Variants in EBF3 observed in about 807,000 individuals in gnomAD.
The protein encoded by EBF3 is EBF transcription factor 3.
Under a neutral mutation model 77.1 loss-of-function variants are expected in EBF3, and 18 were observed. The observed-to-expected ratio is 0.23, with a 90% CI of 0.16 to 0.35. The LOEUF (loss-of-function observed/expected upper bound fraction) is 0.35. Ranked by LOEUF, EBF3 falls within the 10% of genes least tolerant of loss-of-function variation. The probability of loss-of-function intolerance (pLI) is 1.00; values close to 1 mark genes in which losing one functional copy is unlikely to be tolerated. For missense variants in EBF3, 558 were observed against 860.0 expected (o/e 0.65, Z 4.39); for synonymous variants, 350 against 343.5 (o/e 1.02, Z -0.21).
Position 129,835,497 on chromosome 10 carries a change from G to C in EBF3, c.*2446C>G, listed in dbSNP as rs977577810. The C allele has an allele frequency of 4.6e-5, 7 of 152,176 alleles. No individual in the cohort carries two copies. Among genetic ancestry groups the C allele is most frequent in the African/African-American group, 1.7e-4 (7 of 41,424 alleles). The allele number at this position is 152,176 out of a possible 1,614,324, so 9.4% of individuals were successfully genotyped here. ...AAACACAAACCAAGTGAGGGCATGGGGAAGCTGGCAGGCGTTCTCAGTGCG... is the reference window on the plus strand; with the variant it reads ...AAACACAAACCAAGTGAGGGCATGGCGAAGCTGGCAGGCGTTCTCAGTGCG... On this transcript the variant is annotated 3_prime_UTR_variant, in exon 17 of 17. Transcript: ENST00000440978.
intron 10 of EBF3, among the ~76,000 whole-genome samples, chr10:129,855,130 TA>T (rs1851163984): frequency 6.6e-6 from 1 of 152,200 alleles, no homozygotes; most frequent in Non-Finnish European, 1.5e-5. Context: ...CACTGCAGGG[TA>T]TTTCTGTCGA....
rs1309465050 is a variant in EBF3, at chr10:129,864,915, G to T, written c.1039+2226C>A. Among the ~76,000 whole-genome samples, 1 of 152,212 alleles carries T rather than the reference G, an allele frequency of 6.6e-6. No individual in the cohort carries two copies. The highest frequency in any genetic ancestry group is 2.4e-5 in the African/African-American group (1 of 41,462). On this transcript the variant is annotated intron_variant, in intron 10 of 16. Transcript: ENST00000440978. The surrounding 1 kb of genome is among the most constrained non-coding windows in gnomAD (Gnocchi z 4.4). ...CCACAGGAAGGACCATTTATGGAGT[G>T]CCTGCCATGTGTTAGACACTGTACA...
At position 129,952,491 on chromosome 10, in the gene EBF3, C is replaced by A. The variant is rs1284210644; in HGVS notation, c.554+4767G>T. On this transcript the variant is annotated intron_variant, in intron 6 of 16. Coordinates refer to ENST00000440978, the MANE Select transcript of EBF3 (RefSeq NM_001375380.1). This position sits in a 1 kb window ranked among gnomAD's most constrained non-coding sequence, Gnocchi z 4.7. ...CAATGAATTTAATTTTATTTAATGTCCCTTTTTGCAGATCCTCATTTACAT... is the reference window on the plus strand; with the variant it reads ...CAATGAATTTAATTTTATTTAATGTACCTTTTTGCAGATCCTCATTTACAT... Among the ~76,000 whole-genome samples the A allele has an allele frequency of 6.6e-6, 1 of 152,148 alleles. No homozygotes were observed. Among genetic ancestry groups the A allele is most frequent in the African/African-American group, 2.4e-5 (1 of 41,418 alleles).
At chr10:129,876,178 T>C (rs1286668779) in intron 7 of EBF3, among the ~76,000 whole-genome samples, 1 of 152,132 alleles carries the variant, frequency 6.6e-6, no homozygotes, top group South Asian at 2.1e-4. Context: ...GCTGCTGAGA[T>C]TGTGAAAGCA....
intron 8 of EBF3, among the ~76,000 whole-genome samples, chr10:129,868,760 A>G (rs1333760010): frequency 2.0e-5 from 3 of 152,250 alleles, no homozygotes; most frequent in Non-Finnish European, 4.4e-5. Flanking sequence ...TGAGGGCTGC[A>G]GGCCTGGTGG....
intron 10 of EBF3, among the ~76,000 whole-genome samples, chr10:129,860,609 C>T (rs896152864): frequency 3.9e-5 from 6 of 152,198 alleles, no homozygotes; most frequent in Non-Finnish European, 8.8e-5. Flanking sequence ...ACGACCAAAG[C>T]CCCCTCGGAT....
intron 10 of EBF3, among the ~76,000 whole-genome samples, chr10:129,862,892 T>C (rs1292040638): frequency 2.0e-5 from 3 of 152,194 alleles, no homozygotes; most frequent in Admixed American, 6.5e-5. Context: ...ACTGCCCAAT[T>C]TGTGTATACT....
chr10:129,883,647 G>A (rs1853363377), intron 6 of EBF3, among the ~76,000 whole-genome samples: 1 of 151,040 alleles, frequency 6.6e-6, no homozygotes, highest in South Asian at 2.1e-4. Flanking sequence ...CATGTTTTCA[G>A]TTACTACTGT....
chr10:129,880,507 G>GCA (rs1313139759), intron 6 of EBF3, among the ~76,000 whole-genome samples: 1 of 151,456 alleles, frequency 6.6e-6, no homozygotes, highest in Non-Finnish European at 1.5e-5. Flanking sequence ...ACATACATAT[G>GCA]CACACACACA....
chr10:129,875,836 A>C (rs1019591979), intron 7 of EBF3, among the ~76,000 whole-genome samples: 24 of 152,336 alleles, frequency 1.6e-4, no homozygotes, highest in Middle Eastern at 3.4e-3. Flanking sequence ...GGAGGAGCCA[A>C]GGCCTGTTCC....
At chr10:129,844,767 A>G (rs1250968326) in intron 11 of EBF3, among the ~76,000 whole-genome samples, 2 of 152,192 alleles carry the variant, frequency 1.3e-5, no homozygotes, top group Non-Finnish European at 2.9e-5. Context: ...TTGCATACAA[A>G]TAAAGAATTA....
intron 6 of EBF3, among the ~76,000 whole-genome samples, chr10:129,928,110 G>A (rs754030605): frequency 7.9e-5 from 12 of 152,174 alleles, no homozygotes; most frequent in Admixed American, 3.3e-4. Context: ...ACGTCCAGCC[G>A]AGTAAAGAAC....
At chr10:129,948,074 T>C (rs1012445018) in intron 6 of EBF3, among the ~76,000 whole-genome samples, 1 of 151,834 alleles carries the variant, frequency 6.6e-6, no homozygotes, top group Non-Finnish European at 1.5e-5. Flanking sequence ...CTGACCAACA[T>C]GGTGAAACCC....
At chr10:129,962,745 A>G (rs989372465) in intron 3 of EBF3, among the ~76,000 whole-genome samples, 197 bp downstream of exon 3, 1 of 152,198 alleles carries the variant, frequency 6.6e-6, no homozygotes, top group Non-Finnish European at 1.5e-5. Context: ...CTTACTTTCT[A>G]CTTCAAGCCC....
rs1367701758 is a variant in EBF3 at position 129,838,032 on chromosome 10, G to A, written c.1873-72C>T. The A allele has an allele frequency of 3.4e-5, 54 of 1,584,968 alleles. No homozygotes were observed. The Middle Eastern group carries it at 6.6e-4, about 19-fold the overall frequency. ...CCCTCCCGCCAACGCTGACGCGGGC[G>A]GGGCTGCCCTTCCCCCCTATTCAAC... On this transcript the variant is annotated intron_variant, in intron 16 of 16. Coordinates refer to ENST00000440978, the MANE Select transcript of EBF3 (RefSeq NM_001375380.1).
intron 6 of EBF3, among the ~76,000 whole-genome samples, chr10:129,917,651 C>CACAAAAAA: frequency 4.2e-5 from 1 of 23,596 alleles, no homozygotes; most frequent in Non-Finnish European, 7.0e-5. Flanking sequence ...GACCCTGCCT[C>CACAAAAAA]AAAAAAAAAA....
chr10:129,847,484 A>G (rs1850554722), intron 11 of EBF3, among the ~76,000 whole-genome samples: 1 of 152,228 alleles, frequency 6.6e-6, no homozygotes, highest in Non-Finnish European at 1.5e-5. Flanking sequence ...ATCCGTTGCT[A>G]GCATGTTCAC....
At chr10:129,880,100 C>T (rs550802914) in intron 6 of EBF3, among the ~76,000 whole-genome samples, 1 of 152,230 alleles carries the variant, frequency 6.6e-6, no homozygotes, top group Non-Finnish European at 1.5e-5. Context: ...GAGAACAGAG[C>T]GAGTTTTGAT....
chr10:129,899,111 G>A (rs1854604802), intron 6 of EBF3, among the ~76,000 whole-genome samples: 1 of 152,242 alleles, frequency 6.6e-6, no homozygotes, highest in Non-Finnish European at 1.5e-5. Context: ...CTGCTTATCA[G>A]CAGAGTGTCA....
Sources: allele counts gnomAD v4.1 joint callset (sites outside exome capture counted in the v4.1 genomes callset), GRCh38; gene constraint gnomAD v4.1.1; non-coding constraint Gnocchi (gnomAD v3.1); transcripts MANE v1.5; gene names NCBI Gene and HGNC (gene_info 2026-07-23, HGNC 2026-07-21).